The following TAFA5 variants were observed in gnomAD, a reference collection of about 807,000 sequenced individuals.
The protein encoded by TAFA5 is chemokine-like protein TAFA-5.
In TAFA5, 6 loss-of-function variants were observed where a neutral mutation model predicts 15.3. The observed-to-expected ratio is 0.39, with a 90% CI of 0.21 to 0.77. The LOEUF (loss-of-function observed/expected upper bound fraction) is 0.77. TAFA5 is among the 30% of genes least tolerant of loss of function. The probability of loss-of-function intolerance (pLI) is 0.41; values close to 1 mark genes in which losing one functional copy is unlikely to be tolerated. For missense variants in TAFA5, 161 were observed against 193.1 expected, an observed-to-expected ratio of 0.83 and a Z score of 0.98; for synonymous variants, 103 against 80.7, an observed-to-expected ratio of 1.28 and a Z score of -1.48.
intron 2 of TAFA5, among the ~76,000 whole-genome samples, chr22:48,650,111 T>C (rs1028697583): frequency 6.6e-6 from 1 of 152,242 alleles, no homozygotes; most frequent in Non-Finnish European, 1.5e-5. Context: ...TCTGCGTGCA[T>C]AATAAGTTTC....
intron 1 of TAFA5, among the ~76,000 whole-genome samples, chr22:48,583,766 CAGAAAATAT>C (rs1924201672): frequency 5.4e-5 from 8 of 148,460 alleles, no homozygotes; most frequent in Admixed American, 6.7e-5. Context: ...GTACACGCCA[CAGAAAATAT>C]ACCATGCAAA....
intron 1 of TAFA5, chr22:48,544,212 C>T (rs1431579936): frequency 5.5e-6 from 1 of 182,364 alleles, no homozygotes; most frequent in Non-Finnish European, 1.2e-5. Context: ...CTCCATGACC[C>T]TAACTTCACA....
intron 1 of TAFA5, among the ~76,000 whole-genome samples, chr22:48,504,355 C>T (rs1258584917): frequency 6.6e-6 from 1 of 152,222 alleles, no homozygotes. Flanking sequence ...GGAGCCCTCC[C>T]CATGGGGGCG....
At chr22:48,510,311 C>T (rs1426104700) in intron 1 of TAFA5, among the ~76,000 whole-genome samples, 1 of 152,108 alleles carries the variant, frequency 6.6e-6, no homozygotes, top group Non-Finnish European at 1.5e-5. Context: ...GACTAATATC[C>T]AGAATATATT....
intron 1 of TAFA5, among the ~76,000 whole-genome samples, chr22:48,500,371 A>G (rs928830250): frequency 2.6e-5 from 4 of 152,192 alleles, no homozygotes; most frequent in Non-Finnish European, 5.9e-5. Context: ...TGTAATTCAC[A>G]CAATGAAGTT....
intron 3 of TAFA5, among the ~76,000 whole-genome samples, chr22:48,726,761 A>C (rs1464266572): frequency 2.0e-5 from 3 of 152,254 alleles, no homozygotes; most frequent in Non-Finnish European, 4.4e-5. Context: ...AACCACATGC[A>C]AAAAGCTTGC....
intron 2 of TAFA5, among the ~76,000 whole-genome samples, chr22:48,654,370 T>C (rs1212684920): frequency 6.6e-6 from 1 of 152,172 alleles, no homozygotes; most frequent in Non-Finnish European, 1.5e-5. Context: ...GCACGTGGGA[T>C]GCATCGTCCA....
rs1555894461 is a variant in TAFA5 at position 48,633,532 on chromosome 22, G to GTCTGTCTCTCTCTCTCTC, written c.113-13062_113-13061insGTCTCTCTCTCTCTCTCT. On this transcript the variant is annotated intron_variant, in intron 1 of 3. Coordinates refer to ENST00000402357, the MANE Select transcript of TAFA5 (RefSeq NM_001082967.3). ...TGTCTGTCTGTCTGTCTGTCTGTCT[G>GTCTGTCTCTCTCTCTCTC]TCTCTCCCTCTCTCTCTCTCTCTCT... is the stretch of plus-strand genomic sequence containing the variant. 2.9e-5 allele frequency among the ~76,000 whole-genome samples: 4 copies of GTCTGTCTCTCTCTCTCTC among 138,872 alleles called. No homozygotes were observed. In the East Asian group the frequency reaches 9.4e-4, roughly 33 times the overall value. 91.1% of individuals were successfully genotyped at this position (138,872 alleles called of 152,430 possible). A position where few individuals can be genotyped will look rare whatever the true frequency, so the allele number is the denominator to read the frequency against.
chr22:48,663,447 C>A (rs982669102), intron 2 of TAFA5, among the ~76,000 whole-genome samples: 1 of 152,116 alleles, frequency 6.6e-6, no homozygotes, highest in African/African-American at 2.4e-5. Context: ...GTGCAGCAGC[C>A]GGCACACGGT....
chr22:48,714,855 C>G (rs1048815555), intron 3 of TAFA5, among the ~76,000 whole-genome samples: 3 of 152,216 alleles, frequency 2.0e-5, no homozygotes, highest in Non-Finnish European at 2.9e-5. Context: ...GGGAGGCTCT[C>G]GAGGAGGCCC....
intron 2 of TAFA5, among the ~76,000 whole-genome samples, chr22:48,703,706 C>T (rs537896831): frequency 6.6e-6 from 1 of 152,374 alleles, no homozygotes; most frequent in Non-Finnish European, 1.5e-5. Context: ...GCATGAGGTC[C>T]CAGCTGAGCT....
chr22:48,521,698 G>A (rs1020846732), intron 1 of TAFA5, among the ~76,000 whole-genome samples: 8 of 152,200 alleles, frequency 5.3e-5, no homozygotes, highest in African/African-American at 1.9e-4. Flanking sequence ...CGATCCGTTA[G>A]GTGTAAAAGG....
chr22:48,540,162 A>G (rs1007028077), intron 1 of TAFA5, among the ~76,000 whole-genome samples: 2 of 152,164 alleles, frequency 1.3e-5, no homozygotes, highest in Non-Finnish European at 2.9e-5. Context: ...AGCCTTGTGT[A>G]CGGGAGGGTG....
intron 3 of TAFA5, among the ~76,000 whole-genome samples, chr22:48,710,612 G>A (rs1231892780): frequency 6.6e-6 from 1 of 152,202 alleles, no homozygotes; most frequent in Non-Finnish European, 1.5e-5. Context: ...ACAGAGAACC[G>A]AGGTGCTCAC....
intron 1 of TAFA5, among the ~76,000 whole-genome samples, chr22:48,599,329 A>G (rs1340279308): frequency 2.0e-5 from 3 of 152,294 alleles, no homozygotes; most frequent in East Asian, 1.9e-4. Context: ...CACGCAGAAG[A>G]CACTTTCCAC....
intron 1 of TAFA5, among the ~76,000 whole-genome samples, chr22:48,632,198 C>T (rs1369712157): frequency 6.6e-6 from 1 of 152,218 alleles, no homozygotes; most frequent in African/African-American, 2.4e-5. Context: ...CCACCGTCCT[C>T]AACCCTTACC....
intron 2 of TAFA5, 94 bp from the exon 3 acceptor site, chr22:48,707,623 C>A: frequency 1.4e-6 from 2 of 1,461,750 alleles, no homozygotes; most frequent in Non-Finnish European, 1.9e-6. Flanking sequence ...GCCTGAGGGC[C>A]CCCCCAGCCA....
At chr22:48,588,846 A>G (rs1024456748) in intron 1 of TAFA5, among the ~76,000 whole-genome samples, 2 of 152,090 alleles carry the variant, frequency 1.3e-5, no homozygotes, top group Non-Finnish European at 2.9e-5. Flanking sequence ...CATGGAGCCA[A>G]CCTGGCCCCC....
chr22:48,539,352 G>A (rs759572318), intron 1 of TAFA5: 1 of 471,110 alleles, frequency 2.1e-6, no homozygotes, highest in Non-Finnish European at 4.4e-6. Flanking sequence ...TAGGACATGG[G>A]CTCCTCCAGG....
Sources: allele counts gnomAD v4.1 joint callset (sites outside exome capture counted in the v4.1 genomes callset), GRCh38; gene constraint gnomAD v4.1.1; transcripts MANE v1.5; gene names NCBI Gene and HGNC (gene_info 2026-07-23, HGNC 2026-07-21).